Variants in PPIG observed in about 807,000 individuals in gnomAD.
PPIG encodes peptidylprolyl isomerase G, also known as peptidyl-prolyl cis-trans isomerase G.
Under a neutral mutation model 87.9 loss-of-function variants are expected in PPIG, and 26 were observed. The observed-to-expected ratio is 0.30, with a 90% confidence interval of 0.22 to 0.41. The LOEUF (loss-of-function observed/expected upper bound fraction) is 0.41. PPIG is among the 10% of genes least tolerant of loss of function. PPIG has a pLI of 1.00. For missense variants in PPIG, 722 were observed against 879.4 expected (o/e 0.82, Z 2.26); for synonymous variants, 308 against 276.5 (o/e 1.11, Z -1.13).
At chr2:169,602,167 G>A (rs1453763254) in intron 1 of PPIG, among the ~76,000 whole-genome samples, 1 of 151,764 alleles carries the variant, frequency 6.6e-6, no homozygotes, top group Non-Finnish European at 1.5e-5. Context: ...TGAATTTTGT[G>A]TTTAAACTGT....
intron 9 of PPIG, among the ~76,000 whole-genome samples, chr2:169,624,750 G>C (rs1280687529): frequency 2.6e-5 from 4 of 151,950 alleles, no homozygotes; most frequent in Non-Finnish European, 4.4e-5. Flanking sequence ...ACCACGCCCG[G>C]CTAATTTCTT....
At chr2:169,623,819 T>C (rs796477735) in intron 9 of PPIG, among the ~76,000 whole-genome samples, 1 of 152,346 alleles carries the variant, frequency 6.6e-6, no homozygotes, top group South Asian at 2.1e-4. Context: ...TTATTTCAAA[T>C]CTTATTTTGA....
chr2:169,631,156 A>G (rs1239746664), intron 10 of PPIG, among the ~76,000 whole-genome samples, 169 bp downstream of exon 10: 2 of 152,078 alleles, frequency 1.3e-5, no homozygotes, highest in East Asian at 3.9e-4. Context: ...GGGTACGTTC[A>G]TTTTCTTTTG....
intron 4 of PPIG, among the ~76,000 whole-genome samples, 156 bp from the exon 5 acceptor site, chr2:169,605,883 A>AT (rs1472035761): frequency 6.6e-6 from 1 of 152,196 alleles, no homozygotes; most frequent in Non-Finnish European, 1.5e-5. Context: ...AACGTGGGTG[A>AT]TTTTTTAAAT....
chr2:169,638,668 C>G lies in PPIG; in HGVS notation c.*1145C>G, dbSNP rs1686245249. ...ACCATTACTGTTAATGTTATTTTAA[C>G]TTGGCATGTATAACATTGCCATATA... On this transcript the variant is annotated 3_prime_UTR_variant, in exon 14 of 14. Transcript: ENST00000260970. 6.6e-6 allele frequency: 1 copy of G among 151,972 alleles called. No individual in the cohort carries two copies. Among genetic ancestry groups the G allele is most frequent in the African/African-American group, 2.4e-5 (1 of 41,414 alleles). The allele number at this position is 151,972 out of a possible 1,614,324, so 9.4% of individuals were successfully genotyped here.
At chr2:169,609,249 C>T (rs1193340383) in intron 7 of PPIG, among the ~76,000 whole-genome samples, 1 of 152,012 alleles carries the variant, frequency 6.6e-6, no homozygotes, top group Non-Finnish European at 1.5e-5. Context: ...CTTGCTCTGT[C>T]ACCCAGGCGA....
chr2:169,631,104 G>T, intron 10 of PPIG, 117 bp downstream of exon 10: 1 of 963,210 alleles, frequency 1.0e-6, no homozygotes, highest in Non-Finnish European at 1.5e-6. Context: ...ATAGCATGGA[G>T]CGTAGGACTT....
At chr2:169,612,293 C>CTT (rs765377598) in intron 7 of PPIG, among the ~76,000 whole-genome samples, 3 of 151,902 alleles carry the variant, frequency 2.0e-5, no homozygotes, top group Non-Finnish European at 4.4e-5. Context: ...AGTGGAATTC[C>CTT]ACAATTTTTG....
In PPIG at chr2:169,636,102, C is replaced by G; in HGVS notation, c.1028C>G (p.Thr343Ser). ...TTTAATTTTCTTTAGCGTTATCGAA[C>G]TCCTTCCAGATCCAGATCAAGGGAT... ...IKGRGPRRYR[T>S]PSRSRSRDRF... Residue 343 changes from threonine (T) to serine (S), a missense_variant, in exon 13 of 14, where the codon ACT becomes AGT. Around this residue, in one of 4 missense-constraint regions of PPIG, gnomAD observed 476 missense variants for 483.1 expected, o/e 0.99. Coordinates refer to ENST00000260970, the MANE Select transcript of PPIG (RefSeq NM_004792.3). 6.3e-7 allele frequency: 1 copy of G among 1,599,714 alleles called. No homozygotes were observed. The highest frequency in any genetic ancestry group is 1.1e-5 in the South Asian group (1 of 88,718).
intron 12 of PPIG, among the ~76,000 whole-genome samples, chr2:169,635,474 T>C (rs748764254): frequency 2.6e-5 from 4 of 152,190 alleles, no homozygotes; most frequent in Non-Finnish European, 4.4e-5. Flanking sequence ...GCTGCATATA[T>C]GTTTAACATA....
intron 1 of PPIG, among the ~76,000 whole-genome samples, chr2:169,594,755 G>C (rs145955341): frequency 1.9e-3 from 285 of 149,678 alleles, no homozygotes; most frequent in African/African-American, 6.6e-3. Flanking sequence ...CTCCCAAGTA[G>C]CTGGGATTAC....
intron 9 of PPIG, among the ~76,000 whole-genome samples, chr2:169,618,203 T>A (rs555584728): frequency 6.6e-6 from 1 of 152,266 alleles, no homozygotes; most frequent in Admixed American, 6.5e-5. Flanking sequence ...GAGGTGAAGC[T>A]GACTTAATCG....
At chr2:169,629,865 A>G (rs1685989587) in intron 9 of PPIG, among the ~76,000 whole-genome samples, 1 of 152,208 alleles carries the variant, frequency 6.6e-6, no homozygotes, top group South Asian at 2.1e-4. Flanking sequence ...TTGTACCACA[A>G]AGGCAAGATA....
At chr2:169,586,960 G>C (rs920781768) in intron 1 of PPIG, among the ~76,000 whole-genome samples, 1 of 152,076 alleles carries the variant, frequency 6.6e-6, no homozygotes, top group Non-Finnish European at 1.5e-5. Flanking sequence ...TTCAGACAGA[G>C]TCTTGCTCTG....
chr2:169,635,105 T>C (rs776725759), intron 12 of PPIG, among the ~76,000 whole-genome samples: 2 of 152,148 alleles, frequency 1.3e-5, no homozygotes, highest in African/African-American at 2.4e-5. Flanking sequence ...ATTATGAAAA[T>C]AGTTTTGACC....
At chr2:169,598,737 G>A (rs945314577) in intron 1 of PPIG, among the ~76,000 whole-genome samples, 1 of 150,160 alleles carries the variant, frequency 6.7e-6, no homozygotes, top group Admixed American at 6.7e-5. Context: ...TGGTATACCT[G>A]ATTTATATTT....
In PPIG at chr2:169,628,939, C is replaced by CAAAA. The variant is rs71006010; in HGVS notation, c.548-1809_548-1806dup. 8.1e-4 allele frequency among the ~76,000 whole-genome samples: 75 copies of CAAAA among 92,308 alleles called. 1 individual carries two copies. Among genetic ancestry groups the CAAAA allele is most frequent in the African/African-American group, 2.3e-3 (56 of 24,528 alleles). 60.6% of individuals were successfully genotyped at this position (92,308 alleles called of 152,430 possible). ...GGGCAACAGAGCAAGACCCTGTCTC[C>CAAAA]AAAAAAAAAAAAAAAAAAAAAAAAA... is the stretch of plus-strand genomic sequence containing the variant. On this transcript the variant is annotated intron_variant, in intron 9 of 13. Transcript: ENST00000260970.
Position 169,637,051 on chromosome 2 carries a change from A to G in PPIG, c.1793A>G (p.Tyr598Cys), listed in dbSNP as rs1163324750. The G allele has an allele frequency of 1.2e-6, 2 of 1,613,790 alleles. No homozygotes were observed. Among genetic ancestry groups the G allele is most frequent in the South Asian group, 2.2e-5 (2 of 91,048 alleles). ...TACCATAGATACAGAGAACAGGAAT[A>G]CAGGAGAAGAGGACGGTCACGAAGC... The part of the protein sequence containing the change: ...KEYHRYREQE[Y>C]RRRGRSRSRE... The change falls in exon 14 of 14, where the codon TAC becomes TGC. Residue 598 changes from tyrosine to cysteine, a missense_variant. This residue lies in a region of PPIG where 476 missense variants were observed against 483.1 expected (regional missense o/e 0.99). Transcript: ENST00000260970.
intron 7 of PPIG, among the ~76,000 whole-genome samples, chr2:169,613,185 A>G (rs767017575): frequency 3.9e-5 from 6 of 152,234 alleles, no homozygotes; most frequent in Admixed American, 6.5e-5. Context: ...ATAACATGTT[A>G]TATGAATACA....
Sources: gnomAD v4.1 joint callset for allele counts (sites outside exome capture counted in the v4.1 genomes callset) on GRCh38, gnomAD v4.1.1 for gene constraint, gnomAD v4.1.1 regional missense constraint, MANE v1.5 for transcripts, NCBI Gene and HGNC (gene_info 2026-07-23, HGNC 2026-07-21) for gene names.